PTPRG: variants seen among roughly 807,000 people sequenced by gnomAD.
The protein encoded by PTPRG is protein tyrosine phosphatase receptor type G, also known as receptor-type tyrosine-protein phosphatase gamma.
Under a neutral mutation model 165.3 loss-of-function variants are expected in PTPRG, and 102 were observed. The observed-to-expected ratio is 0.62, with a 90% CI of 0.53 to 0.73. The LOEUF (loss-of-function observed/expected upper bound fraction) is 0.73, where lower values mean the gene tolerates loss of function less well. Ranked by LOEUF, PTPRG falls within the 30% of genes least tolerant of loss-of-function variation. The pLI is 0.00. For synonymous variants in PTPRG, 675 were observed against 669.5 expected (o/e 1.01, Z -0.13); for missense variants, 1,866 against 1,861.4 (o/e 1.00, Z -0.05).
chr3:62,122,070 A>G (rs1439284852), intron 5 of PTPRG, among the ~76,000 whole-genome samples: 1 of 152,178 alleles, frequency 6.6e-6, no homozygotes, highest in South Asian at 2.1e-4. Context: ...GCCTCTTCCC[A>G]GAAAGGAATT....
At chr3:62,165,625 A>G (rs1704942511) in intron 7 of PTPRG, among the ~76,000 whole-genome samples, 1 of 152,326 alleles carries the variant, frequency 6.6e-6, no homozygotes, top group Middle Eastern at 3.4e-3. Flanking sequence ...GAAGTAACAC[A>G]AGAGTAACAG....
At chr3:62,180,972 TAAG>T (rs67439334) in intron 8 of PTPRG, among the ~76,000 whole-genome samples, 22,080 of 152,114 alleles carry the variant, frequency 0.15, 1,889 homozygotes, top group African/African-American at 0.23. Flanking sequence ...GCCAACAGGA[TAAG>T]AAACAGTTTT....
chr3:61,858,033 C>T (rs1028056981), intron 2 of PTPRG, among the ~76,000 whole-genome samples: 1 of 152,296 alleles, frequency 6.6e-6, no homozygotes, highest in East Asian at 1.9e-4. Flanking sequence ...TGTATGAGAA[C>T]CACTGGCTTA....
chr3:61,609,669 C>T (rs1022047145), intron 1 of PTPRG, among the ~76,000 whole-genome samples: 7 of 149,618 alleles, frequency 4.7e-5, no homozygotes, highest in African/African-American at 1.7e-4. Context: ...CTAGCCTGGG[C>T]AATACGGCAA....
intron 1 of PTPRG, among the ~76,000 whole-genome samples, chr3:61,638,878 C>G (rs886740881): frequency 2.0e-5 from 3 of 152,022 alleles, no homozygotes; most frequent in African/African-American, 7.2e-5. Context: ...GTTTACTCTG[C>G]TGATATTTTT....
chr3:62,174,532 A>G (rs535118652), intron 8 of PTPRG, among the ~76,000 whole-genome samples: 1 of 152,306 alleles, frequency 6.6e-6, no homozygotes, highest in Admixed American at 6.5e-5. Context: ...TTTAAAGGAC[A>G]TGTACCACCG....
intron 2 of PTPRG, among the ~76,000 whole-genome samples, chr3:61,842,684 C>CAAAAAAAAAA (rs199500194): frequency 1.6e-5 from 2 of 121,646 alleles, no homozygotes; most frequent in East Asian, 2.4e-4. Context: ...GTATGTGTGG[C>CAAAAAAAAAA]AAAAAAAAAA....
chr3:61,681,170 T>C lies in PTPRG; in HGVS notation c.86-67708T>C, dbSNP rs67576012. On this transcript the variant is annotated intron_variant, in intron 1 of 29. Coordinates refer to ENST00000474889, the MANE Select transcript of PTPRG (RefSeq NM_002841.4). ...AGGTCCATCCCATCCTAAAAGCTTTTAGCTTGTGAAAAGCTTCTTTTCTTG... is the reference window on the plus strand; with the variant it reads ...AGGTCCATCCCATCCTAAAAGCTTTCAGCTTGTGAAAAGCTTCTTTTCTTG... Among the ~76,000 whole-genome samples, 1,345 of 152,284 alleles carry C rather than the reference T, an allele frequency of 8.8e-3. 9 individuals are homozygous for C. Among genetic ancestry groups the C allele is most frequent in the Admixed American group, 0.012 (191 of 15,298 alleles).
chr3:62,150,791 G>A (rs1439141201), intron 6 of PTPRG, among the ~76,000 whole-genome samples: 1 of 152,156 alleles, frequency 6.6e-6, no homozygotes. Flanking sequence ...GAATGCCTCA[G>A]GTTTTCTTCC....
chr3:62,173,219 G>GTTTTTTATTGTTATATTGCTA (rs1705286328), intron 8 of PTPRG, among the ~76,000 whole-genome samples: 1 of 151,920 alleles, frequency 6.6e-6, no homozygotes, highest in Admixed American at 6.6e-5. Flanking sequence ...TGTTTGTACT[G>GTTTTTTATTGTTATATTGCTA]TTTTTTATTG....
At chr3:61,727,777 C>T (rs1027691836) in intron 1 of PTPRG, among the ~76,000 whole-genome samples, 1 of 152,204 alleles carries the variant, frequency 6.6e-6, no homozygotes, top group Non-Finnish European at 1.5e-5. Context: ...TTCTAGGTAA[C>T]TAAATAATTT....
intron 15 of PTPRG, among the ~76,000 whole-genome samples, chr3:62,244,144 C>T (rs1235774649): frequency 6.6e-6 from 1 of 152,238 alleles, no homozygotes; most frequent in African/African-American, 2.4e-5. Flanking sequence ...GACTAAATTT[C>T]ATTTGCATAG....
intron 5 of PTPRG, among the ~76,000 whole-genome samples, chr3:62,132,139 A>G (rs933400374): frequency 2.0e-5 from 3 of 152,146 alleles, no homozygotes; most frequent in African/African-American, 7.2e-5. Context: ...GCTTTTTCAC[A>G]GGGGACTGGG....
chr3:62,169,831 G>A (rs1328165667), intron 8 of PTPRG, among the ~76,000 whole-genome samples: 3 of 152,040 alleles, frequency 2.0e-5, no homozygotes, highest in African/African-American at 7.2e-5. Context: ...TTTCAAGAGT[G>A]CCCCCACCCC....
chr3:61,809,811 T>A (rs188684919), intron 2 of PTPRG, among the ~76,000 whole-genome samples: 1 of 152,314 alleles, frequency 6.6e-6, no homozygotes, highest in African/African-American at 2.4e-5. Flanking sequence ...ACTTGACAGT[T>A]GAGAGCCACG....
chr3:61,563,320 C>G (rs2106750389), intron 1 of PTPRG, among the ~76,000 whole-genome samples: 1 of 152,250 alleles, frequency 6.6e-6, no homozygotes, highest in South Asian at 2.1e-4. Context: ...CAATACTGGC[C>G]GTTGATAAGA....
chr3:61,915,624 AGCCTTGCTGAAT>A (rs2038914681), intron 2 of PTPRG, among the ~76,000 whole-genome samples: 2 of 152,204 alleles, frequency 1.3e-5, no homozygotes, highest in Admixed American at 1.3e-4. Context: ...CTATAGTTTA[AGCCTTGCTGAAT>A]GAGGCCTTTT....
chr3:61,736,171 G>A (rs1246753955), intron 1 of PTPRG, among the ~76,000 whole-genome samples: 1 of 151,482 alleles, frequency 6.6e-6, no homozygotes, highest in Non-Finnish European at 1.5e-5. Flanking sequence ...GCCTCCCAAA[G>A]TGCTAGGATT....
intron 1 of PTPRG, among the ~76,000 whole-genome samples, chr3:61,634,078 C>T (rs2106935942): frequency 6.6e-6 from 1 of 151,916 alleles, no homozygotes; most frequent in South Asian, 2.1e-4. Context: ...CCATGTCTGG[C>T]TAATTTTTTT....
Sources: allele counts gnomAD v4.1 joint callset (sites outside exome capture counted in the v4.1 genomes callset), GRCh38; gene constraint gnomAD v4.1.1; transcripts MANE v1.5; gene names NCBI Gene and HGNC (gene_info 2026-07-23, HGNC 2026-07-21).